FAM13A: variants seen among roughly 807,000 people sequenced by gnomAD.
FAM13A encodes protein FAM13A.
In FAM13A, 76 loss-of-function variants were observed where a neutral mutation model predicts 129.6. The observed-to-expected ratio is 0.59, with a 90% confidence interval of 0.49 to 0.71. FAM13A has a LOEUF of 0.71. Ranked by LOEUF, FAM13A falls within the 30% of genes least tolerant of loss-of-function variation. The pLI, the probability that FAM13A is intolerant of heterozygous loss-of-function variation, is 0.00. For synonymous variants in FAM13A, 443 were observed against 449.9 expected (o/e 0.98, Z 0.20); for missense variants, 1,108 against 1,249.3 (o/e 0.89, Z 1.70).
intron 5 of FAM13A, among the ~76,000 whole-genome samples, chr4:88,931,915 T>C (rs1220975929): frequency 6.6e-6 from 1 of 152,172 alleles, no homozygotes; most frequent in Non-Finnish European, 1.5e-5. Flanking sequence ...GATAATACAA[T>C]CAGATTACAA....
At chr4:88,921,669 T>C (rs1372821420) in intron 5 of FAM13A, among the ~76,000 whole-genome samples, 1 of 152,084 alleles carries the variant, frequency 6.6e-6, no homozygotes, top group Admixed American at 6.5e-5. Flanking sequence ...TCAGCTAACA[T>C]CACAATGACA....
intron 4 of FAM13A, among the ~76,000 whole-genome samples, chr4:88,944,903 CAAA>C (rs35402009): frequency 1.5e-5 from 2 of 137,376 alleles, no homozygotes; most frequent in Non-Finnish European, 1.5e-5. Context: ...AACTCTGTCT[CAAA>C]AAAAAAAAAA....
chr4:89,039,544 A>G (rs1769828279), intron 1 of FAM13A, among the ~76,000 whole-genome samples: 1 of 152,220 alleles, frequency 6.6e-6, no homozygotes, highest in Non-Finnish European at 1.5e-5. Context: ...GGAACTTTGT[A>G]CTTCCTAGTC....
chr4:88,886,515 G>A (rs565709648), intron 6 of FAM13A, among the ~76,000 whole-genome samples: 34 of 152,166 alleles, frequency 2.2e-4, no homozygotes, highest in Non-Finnish European at 4.4e-4. Context: ...TTGAACCCAG[G>A]AGGCAGAGGT....
At chr4:88,868,265 C>G (rs1441170970) in intron 6 of FAM13A, among the ~76,000 whole-genome samples, 1 of 152,136 alleles carries the variant, frequency 6.6e-6, no homozygotes, top group Non-Finnish European at 1.5e-5. Flanking sequence ...GACTCCATGC[C>G]CCCAAAAACT....
intron 11 of FAM13A, among the ~76,000 whole-genome samples, chr4:88,774,900 TGAG>T (rs1721376329): frequency 6.6e-6 from 1 of 152,026 alleles, no homozygotes; most frequent in South Asian, 2.1e-4. Context: ...TGAAAAAGAT[TGAG>T]GAGAAGATGA....
Position 88,856,659 on chromosome 4 carries a change from T to C in FAM13A, c.844-5476A>G, listed in dbSNP as rs532799226. Among the ~76,000 whole-genome samples, 155 of 152,326 alleles carry C rather than the reference T, an allele frequency of 1.0e-3. 1 individual carries two copies. The highest frequency in any genetic ancestry group is 6.8e-3 in the Middle Eastern group (2 of 294). On this transcript the variant is annotated intron_variant, in intron 6 of 23. Coordinates refer to ENST00000264344, the MANE Select transcript of FAM13A (RefSeq NM_014883.4). Reference sequence around the variant, plus strand: ...CAAGGCTTAAATGATTATGAAAGATTGAGATCGAAGGACAAAAGAAGTAGC... The same window carrying C: ...CAAGGCTTAAATGATTATGAAAGATCGAGATCGAAGGACAAAAGAAGTAGC...
At chr4:88,873,439 C>T (rs1479916783) in intron 6 of FAM13A, among the ~76,000 whole-genome samples, 5 of 151,822 alleles carry the variant, frequency 3.3e-5, no homozygotes, top group Non-Finnish European at 1.5e-5. Flanking sequence ...ATAGATGCAA[C>T]AAAAAATGAT....
intron 7 of FAM13A, chr4:88,823,104 T>A: frequency 6.3e-7 from 1 of 1,586,074 alleles, no homozygotes; most frequent in Non-Finnish European, 8.6e-7. Flanking sequence ...CTAAGCTGGG[T>A]TGGGGGCATG....
intron 4 of FAM13A, among the ~76,000 whole-genome samples, chr4:88,950,381 T>C (rs1756752789): frequency 6.6e-6 from 1 of 152,082 alleles, no homozygotes; most frequent in African/African-American, 2.4e-5. Flanking sequence ...TTGGATCAAA[T>C]TTAATTGATA....
intron 5 of FAM13A, among the ~76,000 whole-genome samples, chr4:88,922,057 C>G (rs1751193969): frequency 6.6e-6 from 1 of 151,690 alleles, no homozygotes; most frequent in African/African-American, 2.4e-5. Context: ...AAAGCAAGTC[C>G]TCAGTGACCT....
intron 5 of FAM13A, among the ~76,000 whole-genome samples, chr4:88,907,467 T>C (rs973680): frequency 0.15 from 23,119 of 152,256 alleles, 1,996 homozygotes; most frequent in Non-Finnish European, 0.2. Flanking sequence ...CTTATATTCA[T>C]TTATTTCTAA....
chr4:88,913,987 G>C (rs546986445), intron 5 of FAM13A, among the ~76,000 whole-genome samples: 1 of 150,630 alleles, frequency 6.6e-6, no homozygotes, highest in Non-Finnish European at 1.5e-5. Flanking sequence ...TGGATGACAG[G>C]GTGAGACTCC....
chr4:88,789,090 T>G (rs1416396715), intron 9 of FAM13A, among the ~76,000 whole-genome samples: 1 of 152,138 alleles, frequency 6.6e-6, no homozygotes, highest in Non-Finnish European at 1.5e-5. Flanking sequence ...AACATATTCA[T>G]GAGGATGCCA....
intron 6 of FAM13A, among the ~76,000 whole-genome samples, chr4:88,899,896 A>T (rs957487330): frequency 6.6e-6 from 1 of 152,108 alleles, no homozygotes; most frequent in Admixed American, 6.6e-5. Context: ...ATAAAACAAT[A>T]TAGGAGCTGA....
chr4:88,874,851 G>A (rs1742101098), intron 6 of FAM13A, among the ~76,000 whole-genome samples: 2 of 152,116 alleles, frequency 1.3e-5, no homozygotes, highest in Admixed American at 6.5e-5. Flanking sequence ...TAAGCAAAAC[G>A]AACAAAGCTG....
chr4:88,875,714 AT>A, intron 6 of FAM13A, among the ~76,000 whole-genome samples: 1 of 152,362 alleles, frequency 6.6e-6, no homozygotes, highest in East Asian at 1.9e-4. Flanking sequence ...TAGTTCAGCC[AT>A]TGTGGAAGAC....
At chr4:88,965,763 T>G (rs1185745541) in intron 4 of FAM13A, among the ~76,000 whole-genome samples, 1 of 152,236 alleles carries the variant, frequency 6.6e-6, no homozygotes, top group Admixed American at 6.5e-5. Context: ...TTCTACCGTT[T>G]CTGTGAATCT....
At chr4:88,916,738 C>A (rs933142421) in intron 5 of FAM13A, among the ~76,000 whole-genome samples, 1 of 152,176 alleles carries the variant, frequency 6.6e-6, no homozygotes, top group Non-Finnish European at 1.5e-5. Flanking sequence ...TCAAATGCTA[C>A]CTAGCCTAGG....
Sources: allele counts gnomAD v4.1 joint callset (sites outside exome capture counted in the v4.1 genomes callset), GRCh38; gene constraint gnomAD v4.1.1; transcripts MANE v1.5; gene names NCBI Gene and HGNC (gene_info 2026-07-23, HGNC 2026-07-21).